The following KIDINS220 variants were observed in gnomAD, a reference collection of about 807,000 sequenced individuals.
The protein encoded by KIDINS220 is kinase D interacting substrate 220, also known as kinase D-interacting substrate of 220 kDa.
A neutral mutation model predicts 157.6 loss-of-function variants in KIDINS220; 63 were observed. The ratio of observed to expected loss-of-function variants is 0.40; its 90% CI spans 0.33 to 0.49. The LOEUF (loss-of-function observed/expected upper bound fraction) is 0.49, where lower values mean the gene tolerates loss of function less well. Ranked by LOEUF, KIDINS220 falls within the 20% of genes least tolerant of loss-of-function variation. The pLI is 0.66. For missense variants in KIDINS220, 1,772 were observed against 2,171.2 expected, an observed-to-expected ratio of 0.82 and a Z score of 3.65; for synonymous variants, 732 against 783.6, an observed-to-expected ratio of 0.93 and a Z score of 1.10.
intron 21 of KIDINS220, among the ~76,000 whole-genome samples, chr2:8,771,275 T>C (rs1307234754): frequency 2.6e-5 from 4 of 152,224 alleles, no homozygotes; most frequent in Non-Finnish European, 4.4e-5. Context: ...CGTTGTAGTA[T>C]AGATGAATGG....
At chr2:8,816,096 A>G (rs570712746) in intron 4 of KIDINS220, among the ~76,000 whole-genome samples, 1 of 152,232 alleles carries the variant, frequency 6.6e-6, no homozygotes, top group Non-Finnish European at 1.5e-5. Context: ...TCAGTGTTTT[A>G]AAGCCAAAAT....
chr2:8,791,749 T>C (rs995639046), intron 12 of KIDINS220, among the ~76,000 whole-genome samples: 2 of 151,974 alleles, frequency 1.3e-5, no homozygotes, highest in African/African-American at 4.8e-5. Flanking sequence ...TAGATAATAA[T>C]AGAAAAAGAA....
In KIDINS220 at chr2:8,731,328, T is replaced by G. The variant is rs779569943; in HGVS notation, c.4708A>C (p.Lys1570Gln). ...AGGAGCGCATCCGATAAATACTCTTTGGCTTTAATGAAGGTTCTGATCGGC... is the reference window on the plus strand; with the variant it reads ...AGGAGCGCATCCGATAAATACTCTTGGGCTTTAATGAAGGTTCTGATCGGC... ...AEPIRTFIKA[K>Q]EYLSDALLDK... The change falls in exon 30 of 30, where the codon AAA becomes CAA. Residue 1570 changes from lysine (K) to glutamine (Q), a missense_variant. Physicochemically the swap from Lys to Gln is moderately conservative, Grantham distance 53 (BLOSUM62 1). This residue lies in a region of KIDINS220 where 793 missense variants were observed against 885.5 expected (regional missense o/e 0.90). Transcript: ENST00000256707. The surrounding 1 kb of genome is among the most constrained non-coding windows in gnomAD (Gnocchi z 5.2). The G allele has an allele frequency of 6.2e-7, 1 of 1,614,214 alleles. No individual in the cohort carries two copies. Among genetic ancestry groups the G allele is most frequent in the South Asian group, 1.1e-5 (1 of 91,090 alleles).
chr2:8,730,539 G>A lies in KIDINS220; in HGVS notation c.*181C>T. On this transcript the variant is annotated 3_prime_UTR_variant, in exon 30 of 30. Coordinates refer to ENST00000256707, the MANE Select transcript of KIDINS220 (RefSeq NM_020738.4). ...TTACAAAGACCACAGAGGCTGGCTGGTGAGCCATGCTTCTCATGCTCCCTT... is the reference window on the plus strand; with the variant it reads ...TTACAAAGACCACAGAGGCTGGCTGATGAGCCATGCTTCTCATGCTCCCTT... 1 of 1,427,520 alleles carries A rather than the reference G, an allele frequency of 7.0e-7. No individual in the cohort carries two copies. The highest frequency in any genetic ancestry group is 2.5e-5 in the East Asian group (1 of 39,826). 88.4% of individuals were successfully genotyped at this position (1,427,520 alleles called of 1,614,324 possible).
At chr2:8,744,947 T>C (rs555672699) in intron 26 of KIDINS220, among the ~76,000 whole-genome samples, 1 of 152,362 alleles carries the variant, frequency 6.6e-6, no homozygotes, top group Admixed American at 6.5e-5. Context: ...ATGGTTATTC[T>C]ACTAGACAAA....
At position 8,766,287 on chromosome 2, in the gene KIDINS220, T is replaced by C. The variant is rs149347470; in HGVS notation, c.3011+4383A>G. On this transcript the variant is annotated intron_variant, in intron 22 of 29. Coordinates refer to ENST00000256707, the MANE Select transcript of KIDINS220 (RefSeq NM_020738.4). ...CCAGGTGCTCTCTGGCCCGGAACTG[T>C]TCCCTCTGCCTGGAAATGCTTTCTC... Among the ~76,000 whole-genome samples the C allele has an allele frequency of 4.5e-3, 679 of 152,254 alleles. 4 individuals carry two copies. Among genetic ancestry groups the C allele is most frequent in the African/African-American group, 0.016 (648 of 41,530 alleles).
chr2:8,756,926 G>A (rs918513566), intron 22 of KIDINS220, among the ~76,000 whole-genome samples: 24 of 152,132 alleles, frequency 1.6e-4, no homozygotes, highest in South Asian at 2.1e-4. Flanking sequence ...CTTTCACCAC[G>A]GAGTACGATG....
intron 26 of KIDINS220, among the ~76,000 whole-genome samples, chr2:8,742,509 A>G (rs1665767731): frequency 6.6e-6 from 1 of 152,240 alleles, no homozygotes; most frequent in Admixed American, 6.5e-5. Context: ...ATCTAAAGGT[A>G]AAGGTAACAG....
At chr2:8,825,621 C>A (rs1254783551) in intron 2 of KIDINS220, 1 of 151,812 alleles carries the variant, frequency 6.6e-6, no homozygotes, top group Non-Finnish European at 1.5e-5. Flanking sequence ...AAATAAAAAA[C>A]CACTCCTTAT....
chr2:8,794,566 C>A (rs1251505029), intron 11 of KIDINS220, among the ~76,000 whole-genome samples: 1 of 152,092 alleles, frequency 6.6e-6, no homozygotes, highest in Non-Finnish European at 1.5e-5. Context: ...CGACTCTCTC[C>A]TCTCCTCTTC....
At chr2:8,778,525 T>A (rs2148205206) in intron 20 of KIDINS220, 114 bp downstream of exon 20, 1 of 792,434 alleles carries the variant, frequency 1.3e-6, no homozygotes, top group East Asian at 2.4e-5. Context: ...TGATAATGTT[T>A]ATTTGAAGCG....
intron 2 of KIDINS220, among the ~76,000 whole-genome samples, chr2:8,819,066 A>G (rs900588317): frequency 2.0e-5 from 3 of 152,222 alleles, no homozygotes; most frequent in Admixed American, 2.0e-4. Flanking sequence ...AATATGAATA[A>G]CACTAGGATT....
intron 15 of KIDINS220, among the ~76,000 whole-genome samples, chr2:8,786,915 T>A (rs1340707890): frequency 6.6e-6 from 1 of 152,246 alleles, no homozygotes; most frequent in Non-Finnish European, 1.5e-5. Context: ...CTCTTCACAA[T>A]TGATCTTCAA....
chr2:8,728,522 G>A (rs918666729), downstream of KIDINS220, among the ~76,000 whole-genome samples: 6 of 152,218 alleles, frequency 3.9e-5, no homozygotes, highest in Non-Finnish European at 8.8e-5. Flanking sequence ...ACAGGTTCAA[G>A]GGAGATGGTC....
chr2:8,741,409 G>A (rs889475831), intron 26 of KIDINS220, among the ~76,000 whole-genome samples: 1 of 152,074 alleles, frequency 6.6e-6, no homozygotes, highest in Admixed American at 6.6e-5. Context: ...TCTACTGAAA[G>A]TACAAAAATT....
intron 13 of KIDINS220, among the ~76,000 whole-genome samples, chr2:8,790,462 A>T: frequency 6.6e-6 from 1 of 152,204 alleles, no homozygotes; most frequent in Non-Finnish European, 1.5e-5. Flanking sequence ...TATCACCACC[A>T]TTCCACTGTG....
Position 8,826,970 on chromosome 2 carries a change from G to T in KIDINS220, c.108+16C>A. The T allele has an allele frequency of 6.9e-7, 1 of 1,439,226 alleles. No individual in the cohort carries two copies. The highest frequency in any genetic ancestry group is 9.7e-7 in the Non-Finnish European group (1 of 1,026,340). 89.2% of individuals were successfully genotyped at this position (1,439,226 alleles called of 1,614,324 possible). ...AATATTTGTGAAAGAATGTAATTTT[G>T]CAAACTTGGTCTTACCTCATTTCTC... On this transcript the variant is annotated intron_variant, in intron 2 of 29. Transcript: ENST00000256707.
chr2:8,732,486 A>G (rs1178297631), intron 29 of KIDINS220, among the ~76,000 whole-genome samples: 3 of 152,260 alleles, frequency 2.0e-5, no homozygotes, highest in African/African-American at 7.2e-5. Flanking sequence ...CAATGAGGCC[A>G]ATAGTTGGGC....
chr2:8,767,514 T>C (rs1669636232), intron 22 of KIDINS220, among the ~76,000 whole-genome samples: 1 of 152,176 alleles, frequency 6.6e-6, no homozygotes, highest in Non-Finnish European at 1.5e-5. Context: ...AACTAACTAA[T>C]GTTAAATTTT....
Sources: allele counts gnomAD v4.1 joint callset (sites outside exome capture counted in the v4.1 genomes callset), GRCh38; gene constraint gnomAD v4.1.1; regional missense constraint gnomAD v4.1.1; non-coding constraint Gnocchi (gnomAD v3.1); transcripts MANE v1.5; gene names NCBI Gene and HGNC (gene_info 2026-07-23, HGNC 2026-07-21).